Variants in HPSE2 observed in about 807,000 individuals in gnomAD.
HPSE2 encodes heparanase 2 (inactive).
In HPSE2, 38 loss-of-function variants were observed where a neutral mutation model predicts 60.5. The ratio of observed to expected loss-of-function variants is 0.63; its 90% CI spans 0.48 to 0.82. The LOEUF is 0.82. Ranked by LOEUF, HPSE2 falls within the 40% of genes least tolerant of loss-of-function variation. HPSE2 has a pLI of 0.00. For synonymous variants in HPSE2, 295 were observed against 293.2 expected (o/e 1.01, Z -0.06); for missense variants, 713 against 740.4 (o/e 0.96, Z 0.43).
intron 3 of HPSE2, among the ~76,000 whole-genome samples, chr10:98,827,217 G>GT (rs1402721888): frequency 3.3e-5 from 5 of 152,060 alleles, no homozygotes; most frequent in Middle Eastern, 3.4e-3. Context: ...TTGTTTGTTT[G>GT]TTTTTTGAGA....
chr10:98,843,900 T>C (rs1951975489), intron 3 of HPSE2, among the ~76,000 whole-genome samples: 2 of 152,210 alleles, frequency 1.3e-5, no homozygotes, highest in Non-Finnish European at 2.9e-5. Flanking sequence ...ATCTTCCATT[T>C]AAAAAAACTT....
chr10:99,065,022 G>A (rs1006237162), intron 3 of HPSE2, among the ~76,000 whole-genome samples: 7 of 152,062 alleles, frequency 4.6e-5, no homozygotes, highest in East Asian at 1.9e-4. Flanking sequence ...GAAGCTTTCC[G>A]TGACCTACTT....
intron 4 of HPSE2, among the ~76,000 whole-genome samples, chr10:98,725,822 A>G (rs1473854739): frequency 3.9e-5 from 6 of 152,186 alleles, no homozygotes; most frequent in Admixed American, 6.5e-5. Flanking sequence ...AAAAGTGGGC[A>G]AAGGATATGA....
At chr10:98,675,309 T>C (rs1320675010) in intron 6 of HPSE2, among the ~76,000 whole-genome samples, 1 of 152,100 alleles carries the variant, frequency 6.6e-6, no homozygotes, top group African/African-American at 2.4e-5. Context: ...TGAAATTCAG[T>C]GCAATAAATG....
At chr10:98,601,212 G>T (rs1945416425) in intron 9 of HPSE2, among the ~76,000 whole-genome samples, 1 of 151,764 alleles carries the variant, frequency 6.6e-6, no homozygotes, top group African/African-American at 2.4e-5. Context: ...CATTATGGAG[G>T]GTAATCTGCT....
intron 3 of HPSE2, among the ~76,000 whole-genome samples, chr10:98,838,634 G>A (rs938004115): frequency 2.6e-5 from 4 of 151,066 alleles, no homozygotes; most frequent in Non-Finnish European, 5.9e-5. Flanking sequence ...GTCTCACTAT[G>A]CTGCCCAGGG....
chr10:99,038,012 A>G (rs1163614824), intron 3 of HPSE2, among the ~76,000 whole-genome samples: 4 of 152,174 alleles, frequency 2.6e-5, no homozygotes, highest in Non-Finnish European at 4.4e-5. Context: ...CTATTCCAAC[A>G]GTTGAAATAA....
intron 3 of HPSE2, among the ~76,000 whole-genome samples, chr10:98,902,468 C>T (rs1194711422): frequency 2.0e-5 from 3 of 152,112 alleles, no homozygotes; most frequent in Non-Finnish European, 4.4e-5. Flanking sequence ...ATAGCAACCT[C>T]AATACCTAAA....
intron 3 of HPSE2, among the ~76,000 whole-genome samples, chr10:99,054,948 G>T (rs1269681332): frequency 6.6e-6 from 1 of 151,982 alleles, no homozygotes; most frequent in East Asian, 1.9e-4. Flanking sequence ...TCCTGACCTT[G>T]TGATCTGCCC....
intron 3 of HPSE2, among the ~76,000 whole-genome samples, chr10:98,819,561 C>A (rs534437121): frequency 4.6e-5 from 7 of 152,180 alleles, no homozygotes; most frequent in African/African-American, 1.7e-4. Flanking sequence ...TCCCCATCAC[C>A]TTTAACTGAC....
chr10:99,015,885 T>C (rs1031123584), intron 3 of HPSE2, among the ~76,000 whole-genome samples: 5 of 152,220 alleles, frequency 3.3e-5, no homozygotes, highest in African/African-American at 9.6e-5. Context: ...CACTTTTTTA[T>C]GGGCTTGTTT....
intron 9 of HPSE2, among the ~76,000 whole-genome samples, chr10:98,604,889 G>C (rs957175502): frequency 3.3e-5 from 5 of 152,186 alleles, no homozygotes; most frequent in African/African-American, 1.2e-4. Context: ...CCTACAATGA[G>C]TGAGTTGGTG....
chr10:99,214,244 T>TA (rs1287756959), intron 2 of HPSE2, among the ~76,000 whole-genome samples: 1 of 152,192 alleles, frequency 6.6e-6, no homozygotes, highest in Non-Finnish European at 1.5e-5. Context: ...GGCACCCTCA[T>TA]ACCCTGCTGG....
chr10:99,070,424 T>C (rs967492217), intron 3 of HPSE2, among the ~76,000 whole-genome samples: 30 of 152,358 alleles, frequency 2.0e-4, no homozygotes, highest in African/African-American at 7.0e-4. Context: ...TACTACTACC[T>C]ATGATCTAAA....
At chr10:99,138,504 A>G (rs1369496026) in intron 3 of HPSE2, among the ~76,000 whole-genome samples, 1 of 152,252 alleles carries the variant, frequency 6.6e-6, no homozygotes, top group Admixed American at 6.5e-5. Flanking sequence ...TTGTCCATCC[A>G]TAATAGACTG....
At chr10:99,158,631 G>C (rs966372623) in intron 2 of HPSE2, among the ~76,000 whole-genome samples, 1 of 145,556 alleles carries the variant, frequency 6.9e-6, no homozygotes, top group African/African-American at 2.5e-5. Context: ...AGCATTGGGA[G>C]ATATACCTAA....
chr10:98,470,614 A>T (rs1940739653), intron 11 of HPSE2, among the ~76,000 whole-genome samples: 1 of 152,226 alleles, frequency 6.6e-6, no homozygotes, highest in African/African-American at 2.4e-5. Flanking sequence ...GAAGAAGACG[A>T]GGGCCATTTC....
intron 9 of HPSE2, among the ~76,000 whole-genome samples, chr10:98,542,039 ACCCCT>A (rs1391653738): frequency 7.6e-5 from 11 of 145,516 alleles, no homozygotes; most frequent in Middle Eastern, 3.2e-3. Flanking sequence ...CTGACCCCTG[ACCCCT>A]GACCCCCAAG....
At chr10:98,554,652 A>G (rs1433737281) in intron 9 of HPSE2, among the ~76,000 whole-genome samples, 1 of 152,222 alleles carries the variant, frequency 6.6e-6, no homozygotes, top group African/African-American at 2.4e-5. Flanking sequence ...TTATAAAAGT[A>G]AGTAATATTC....
Sources: allele counts gnomAD v4.1 joint callset (sites outside exome capture counted in the v4.1 genomes callset), GRCh38; gene constraint gnomAD v4.1.1; transcripts MANE v1.5; gene names NCBI Gene and HGNC (gene_info 2026-07-23, HGNC 2026-07-21).